The following HIBCH variants were observed in gnomAD, a reference collection of about 807,000 sequenced individuals.
The protein encoded by HIBCH is 3-hydroxyisobutyryl-CoA hydrolase.
In HIBCH, 50 loss-of-function variants were observed where a neutral mutation model predicts 58.2. The observed-to-expected ratio is 0.86, with a 90% CI of 0.68 to 1.09. The LOEUF (loss-of-function observed/expected upper bound fraction) is 1.09, where lower values mean the gene tolerates loss of function less well. HIBCH is among the 50% of genes least tolerant of loss of function. HIBCH has a pLI of 0.00. For synonymous variants in HIBCH, 151 were observed against 146.9 expected (o/e 1.03, Z -0.20); for missense variants, 450 against 449.7 (o/e 1.00, Z -0.01).
chr2:190,262,920 C>G (rs1050900965), intron 6 of HIBCH, among the ~76,000 whole-genome samples: 8 of 152,190 alleles, frequency 5.3e-5, no homozygotes, highest in African/African-American at 1.9e-4. Flanking sequence ...AATTTTAAAG[C>G]CTTTCAATAA....
chr2:190,294,988 A>C (rs1212551733), intron 3 of HIBCH, among the ~76,000 whole-genome samples: 1 of 152,212 alleles, frequency 6.6e-6, no homozygotes, highest in Non-Finnish European at 1.5e-5. Context: ...TTGGAGAACA[A>C]ATCAACCCAA....
chr2:190,296,044 C>T lies in HIBCH; in HGVS notation c.219+769G>A, dbSNP rs1205065492. On this transcript the variant is annotated intron_variant, in intron 3 of 13. Coordinates refer to ENST00000359678, the MANE Select transcript of HIBCH (RefSeq NM_014362.4). Reference sequence around the variant, plus strand: ...CCACGTTTCAAACCAGACAGTCTGACTTTAAGTCCTGTTTTTCTACTATTC... The same window carrying T: ...CCACGTTTCAAACCAGACAGTCTGATTTTAAGTCCTGTTTTTCTACTATTC... 3.3e-5 allele frequency among the ~76,000 whole-genome samples: 5 copies of T among 152,318 alleles called. No homozygotes were observed. In the East Asian group the frequency reaches 9.6e-4, roughly 29 times the overall value.
At chr2:190,284,085 G>C (rs1002587361) in intron 6 of HIBCH, among the ~76,000 whole-genome samples, 2 of 152,114 alleles carry the variant, frequency 1.3e-5, no homozygotes, top group Admixed American at 1.3e-4. Flanking sequence ...GTGGAGTTCT[G>C]GTTAAGAAAG....
chr2:190,310,885 C>T, intron 1 of HIBCH, 89 bp from the exon 2 acceptor site: 10 of 931,200 alleles, frequency 1.1e-5, no homozygotes, highest in African/African-American at 1.8e-5. Context: ...GTTTCAGCCT[C>T]TTCTAAAAGG....
chr2:190,222,015 A>G (rs1272363275), intron 11 of HIBCH, among the ~76,000 whole-genome samples: 1 of 152,180 alleles, frequency 6.6e-6, no homozygotes, highest in Non-Finnish European at 1.5e-5. Context: ...TGAAGGTGCA[A>G]AAGTCTGGCA....
intron 11 of HIBCH, among the ~76,000 whole-genome samples, chr2:190,232,697 G>A (rs977150823): frequency 1.3e-5 from 2 of 152,160 alleles, no homozygotes; most frequent in African/African-American, 2.4e-5. Context: ...GGTGGCTCAC[G>A]CCTGTAATCC....
rs11366930 is a variant in HIBCH at position 190,318,251 on chromosome 2, C to CA, written c.35+1464dup. The stretch of plus-strand genomic sequence containing the variant: ...ACCCTAAGACAGATGATTTGGGAAC[C>CA]AAAAAAAAAAAAAAGTCCAAGAGCT... On this transcript the variant is annotated intron_variant, in intron 1 of 13. Transcript: ENST00000359678. Among the ~76,000 whole-genome samples the CA allele has an allele frequency of 9.0e-3, 1,178 of 130,716 alleles. 15 individuals carry two copies. The highest frequency in any genetic ancestry group is 0.029 in the African/African-American group (1,032 of 35,476). The allele number at this position is 130,716 out of a possible 152,430, so 85.8% of individuals were successfully genotyped here.
chr2:190,256,963 G>T (rs1686941960), intron 7 of HIBCH, among the ~76,000 whole-genome samples: 1 of 152,172 alleles, frequency 6.6e-6, no homozygotes, highest in Admixed American at 6.6e-5. Context: ...AATGAATGAA[G>T]CATAAGTGAG....
rs921298371 is a variant in HIBCH, at chr2:190,204,467, C to T, written c.*650G>A. ...AGTCTGAGTTAATACTGAAGAGGGA[C>T]GTTAATAAAAATCTTTTCTCTCTGC... On this transcript the variant is annotated 3_prime_UTR_variant, in exon 14 of 14. Transcript: ENST00000359678. The T allele has an allele frequency of 2.0e-5, 3 of 152,058 alleles. No individual in the cohort carries two copies. The highest frequency in any genetic ancestry group is 4.4e-5 in the Non-Finnish European group (3 of 67,990). 9.4% of individuals were successfully genotyped at this position (152,058 alleles called of 1,614,324 possible).
chr2:190,208,480 G>C (rs1690446103), intron 13 of HIBCH, among the ~76,000 whole-genome samples: 1 of 152,168 alleles, frequency 6.6e-6, no homozygotes, highest in South Asian at 2.1e-4. Context: ...GCCAAGTTAT[G>C]TGAATTTTTA....
chr2:190,311,780 A>C (rs1452686718), intron 1 of HIBCH, among the ~76,000 whole-genome samples: 1 of 152,240 alleles, frequency 6.6e-6, no homozygotes, highest in Non-Finnish European at 1.5e-5. Context: ...AAAAATACTA[A>C]CATGGAAAAG....
chr2:190,270,614 T>A (rs1480785979), intron 6 of HIBCH, among the ~76,000 whole-genome samples: 2 of 152,350 alleles, frequency 1.3e-5, no homozygotes, highest in East Asian at 1.9e-4. Context: ...TCACTCAGGA[T>A]AAATGATGCT....
At chr2:190,253,781 C>T (rs985505232) in intron 7 of HIBCH, among the ~76,000 whole-genome samples, 1 of 152,150 alleles carries the variant, frequency 6.6e-6, no homozygotes, top group Non-Finnish European at 1.5e-5. Flanking sequence ...TCCACTACAT[C>T]CCTTACTACT....
chr2:190,302,556 G>A (rs1227912947), intron 2 of HIBCH, among the ~76,000 whole-genome samples: 2 of 152,150 alleles, frequency 1.3e-5, no homozygotes, highest in Non-Finnish European at 2.9e-5. Context: ...GCAAAAAGAA[G>A]GAACAACAGT....
At chr2:190,239,840 G>A (rs1686399423) in intron 11 of HIBCH, among the ~76,000 whole-genome samples, 1 of 152,068 alleles carries the variant, frequency 6.6e-6, no homozygotes, top group Non-Finnish European at 1.5e-5. Flanking sequence ...AATAGAGACA[G>A]GGTTTCACCA....
intron 11 of HIBCH, chr2:190,220,317 G>A (rs1304269136): frequency 2.0e-5 from 3 of 152,128 alleles, no homozygotes; most frequent in East Asian, 1.9e-4. Flanking sequence ...CCTACTTCAA[G>A]ATTCTGTGTT....
chr2:190,208,383 G>A (rs1439178108), intron 13 of HIBCH, among the ~76,000 whole-genome samples: 2 of 152,178 alleles, frequency 1.3e-5, no homozygotes, highest in African/African-American at 4.8e-5. Context: ...GCAGCAGGAT[G>A]AGTTTACAAG....
intron 9 of HIBCH, among the ~76,000 whole-genome samples, chr2:190,249,203 A>T (rs1052606280): frequency 2.6e-5 from 4 of 152,210 alleles, no homozygotes; most frequent in Admixed American, 1.3e-4. Flanking sequence ...GAAGTTATGG[A>T]GTGTTTTTAA....
intron 1 of HIBCH, 132 bp downstream of exon 1, chr2:190,319,584 T>C (rs2124886683): frequency 4.0e-6 from 3 of 757,772 alleles, no homozygotes; most frequent in East Asian, 2.7e-5. Context: ...AGGGCCAAGG[T>C]TGGGGTCTCA....
Sources: gnomAD v4.1 joint callset for allele counts (sites outside exome capture counted in the v4.1 genomes callset) on GRCh38, gnomAD v4.1.1 for gene constraint, MANE v1.5 for transcripts, NCBI Gene and HGNC (gene_info 2026-07-23, HGNC 2026-07-21) for gene names.